The following CACNA2D4 variants were observed in gnomAD, a reference collection of about 807,000 sequenced individuals.
The protein encoded by CACNA2D4 is voltage-dependent calcium channel subunit alpha-2/delta-4.
A neutral mutation model predicts 163.8 loss-of-function variants in CACNA2D4; 157 were observed. The observed-to-expected ratio is 0.96, with a 90% CI of 0.84 to 1.09. The LOEUF (loss-of-function observed/expected upper bound fraction) is 1.09, where lower values mean the gene tolerates loss of function less well. Ranked by LOEUF, CACNA2D4 falls within the 50% of genes least tolerant of loss-of-function variation. CACNA2D4 has a pLI of 0.00. For missense variants in CACNA2D4, 1,410 were observed against 1,479.9 expected, an observed-to-expected ratio of 0.95 and a Z score of 0.78; for synonymous variants, 598 against 586.9, an observed-to-expected ratio of 1.02 and a Z score of -0.27.
Position 1,851,677 on chromosome 12 carries a change from GCGT to G in CACNA2D4, c.2246+2271_2246+2273del, listed in dbSNP as rs1213825580. 8.6e-5 allele frequency among the ~76,000 whole-genome samples: 4 copies of G among 46,774 alleles called. 1 individual carries two copies. The highest frequency in any genetic ancestry group is 3.2e-4 in the African/African-American group (4 of 12,540). 30.7% of individuals were successfully genotyped at this position (46,774 alleles called of 152,430 possible). A position where few individuals can be genotyped will look rare whatever the true frequency, so the allele number is the denominator to read the frequency against. On this transcript the variant is annotated intron_variant, in intron 23 of 37. Transcript: ENST00000382722. ...TGTGTGTGTGTGTGTGTGTGTGTGT[GCGT>G]TTTTTTTTTTTTTTTCCAGAGATTT...
At chr12:1,898,884 T>C (rs896139302) in intron 6 of CACNA2D4, among the ~76,000 whole-genome samples, 1 of 152,118 alleles carries the variant, frequency 6.6e-6, no homozygotes, top group Non-Finnish European at 1.5e-5. Flanking sequence ...AATAGTTAAA[T>C]TCATAGAGAT....
chr12:1,814,391 G>T (rs1863809873), intron 26 of CACNA2D4, among the ~76,000 whole-genome samples: 1 of 152,140 alleles, frequency 6.6e-6, no homozygotes, highest in Non-Finnish European at 1.5e-5. Context: ...TGTCCTTTGC[G>T]AAATTTAGGG....
chr12:1,905,182 A>C (rs1866628207), intron 6 of CACNA2D4, among the ~76,000 whole-genome samples: 1 of 152,120 alleles, frequency 6.6e-6, no homozygotes, highest in South Asian at 2.1e-4. Flanking sequence ...GATGACAAAA[A>C]CATTAAAAAA....
At chr12:1,810,950 G>A (rs1863685802) in intron 27 of CACNA2D4, among the ~76,000 whole-genome samples, 1 of 152,214 alleles carries the variant, frequency 6.6e-6, no homozygotes, top group South Asian at 2.1e-4. Flanking sequence ...CCTTCTAGAG[G>A]TGCAGGCTCT....
rs541175224 is a variant in CACNA2D4 at position 1,834,144 on chromosome 12, G to A, written c.2551+6595C>T. On this transcript the variant is annotated intron_variant, in intron 26 of 37. Coordinates refer to ENST00000382722, the MANE Select transcript of CACNA2D4 (RefSeq NM_172364.5). This position sits in a 1 kb window ranked among gnomAD's most constrained non-coding sequence, Gnocchi z 7.6. ...CCTCTTCTATAGATGGTGATTCCAG[G>A]ATTGACTACATTGCTGATAAAAACT... 1 of 1,130,616 alleles carries A rather than the reference G, an allele frequency of 8.8e-7. No individual in the cohort carries two copies. Among genetic ancestry groups the A allele is most frequent in the South Asian group, 1.7e-5 (1 of 58,576 alleles). The allele number at this position is 1,130,616 out of a possible 1,614,324, so 70.0% of individuals were successfully genotyped here. A position where few individuals can be genotyped will look rare whatever the true frequency, so the allele number is the denominator to read the frequency against.
chr12:1,890,231 G>A (rs1592737382), intron 6 of CACNA2D4, among the ~76,000 whole-genome samples: 1 of 152,112 alleles, frequency 6.6e-6, no homozygotes, highest in Admixed American at 6.5e-5. Context: ...GCTCACACTG[G>A]ATCTCATACA....
intron 26 of CACNA2D4, among the ~76,000 whole-genome samples, chr12:1,825,446 G>A (rs975036841): frequency 6.6e-5 from 10 of 152,230 alleles, no homozygotes; most frequent in East Asian, 3.8e-4. Context: ...GTTAGGGACT[G>A]CTCTGCAGGG....
chr12:1,913,175 G>T (rs1167589671), intron 2 of CACNA2D4, 36 bp from the exon 3 acceptor site: 1 of 1,435,842 alleles, frequency 7.0e-7, no homozygotes, highest in Admixed American at 1.7e-5. Flanking sequence ...CGTGCATGTG[G>T]TTTTGTACCA....
At chr12:1,822,645 G>A (rs1162264502) in intron 26 of CACNA2D4, among the ~76,000 whole-genome samples, 1 of 152,246 alleles carries the variant, frequency 6.6e-6, no homozygotes, top group Non-Finnish European at 1.5e-5. Context: ...GGCTGGGGGT[G>A]AGGATGGGGC....
chr12:1,888,000 C>T (rs949702283), intron 6 of CACNA2D4, among the ~76,000 whole-genome samples: 1 of 152,108 alleles, frequency 6.6e-6, no homozygotes, highest in African/African-American at 2.4e-5. Context: ...CAAAACCAAA[C>T]AAATGAGAAC....
At chr12:1,795,160 G>A (rs2154444953) in intron 37 of CACNA2D4, 139 bp downstream of exon 37, 1 of 678,592 alleles carries the variant, frequency 1.5e-6, no homozygotes, top group Non-Finnish European at 2.5e-6. Context: ...GCATAAACGC[G>A]AATGTTTCCC....
At position 1,833,014 on chromosome 12, in the gene CACNA2D4, C is replaced by T. The variant is rs187053381; in HGVS notation, c.2551+7725G>A. On this transcript the variant is annotated intron_variant, in intron 26 of 37. Coordinates refer to ENST00000382722, the MANE Select transcript of CACNA2D4 (RefSeq NM_172364.5). The surrounding 1 kb of genome is among the most constrained non-coding windows in gnomAD (Gnocchi z 4.2). ...CTGCAGGCCACCGAGGTGTCAGCCG[C>T]ACAGGGGAACTAGGCCGGGTGTCTT... Among the ~76,000 whole-genome samples, 2 of 152,312 alleles carry T rather than the reference C, an allele frequency of 1.3e-5. No individual in the cohort carries two copies. The highest frequency in any genetic ancestry group is 3.9e-4 in the East Asian group (2 of 5,184).
chr12:1,854,179 C>T, intron 22 of CACNA2D4, 135 bp from the exon 23 acceptor site: 1 of 582,370 alleles, frequency 1.7e-6, no homozygotes, highest in Non-Finnish European at 2.9e-6. Context: ...TCTCTGTGAG[C>T]TTGAGGGAGC....
chr12:1,910,383 C>A (rs1443523126), intron 3 of CACNA2D4, among the ~76,000 whole-genome samples: 1 of 152,124 alleles, frequency 6.6e-6, no homozygotes, highest in Non-Finnish European at 1.5e-5. Context: ...GAGAATGAAC[C>A]CTAATGTGTG....
At chr12:1,905,843 T>A (rs1311268072) in intron 6 of CACNA2D4, among the ~76,000 whole-genome samples, 3 of 152,086 alleles carry the variant, frequency 2.0e-5, no homozygotes, top group Non-Finnish European at 4.4e-5. Flanking sequence ...ATTCTAAAAT[T>A]TATATGGAAC....
At chr12:1,840,842 G>C (rs753019078) in intron 25 of CACNA2D4, 23 bp from the exon 26 acceptor site, 7 of 1,485,500 alleles carry the variant, frequency 4.7e-6, no homozygotes, top group South Asian at 1.2e-5. Context: ...AGACAACCCA[G>C]TCATGGGGAA....
chr12:1,881,927 G>A (rs1866009776), intron 13 of CACNA2D4, among the ~76,000 whole-genome samples: 1 of 152,246 alleles, frequency 6.6e-6, no homozygotes, highest in African/African-American at 2.4e-5. Flanking sequence ...CAACTCAGAA[G>A]AAAGCTGACC....
chr12:1,877,968 A>G (rs772359250), intron 16 of CACNA2D4, among the ~76,000 whole-genome samples: 2 of 152,198 alleles, frequency 1.3e-5, no homozygotes, highest in Non-Finnish European at 2.9e-5. Context: ...TGCCATTTCC[A>G]TGCTTAGCTC....
chr12:1,796,825 G>T (rs1160916649), intron 35 of CACNA2D4, among the ~76,000 whole-genome samples: 2 of 152,172 alleles, frequency 1.3e-5, no homozygotes, highest in East Asian at 3.9e-4. Flanking sequence ...TTGGGTGCGG[G>T]GGGTCAGCAG....
Sources: allele counts gnomAD v4.1 joint callset (sites outside exome capture counted in the v4.1 genomes callset), GRCh38; gene constraint gnomAD v4.1.1; non-coding constraint Gnocchi (gnomAD v3.1); transcripts MANE v1.5; gene names NCBI Gene and HGNC (gene_info 2026-07-23, HGNC 2026-07-21).